DISC1: variants seen among roughly 807,000 people sequenced by gnomAD.
DISC1 encodes disrupted in schizophrenia 1 protein.
Under a neutral mutation model 84.5 loss-of-function variants are expected in DISC1, and 57 were observed. That is an observed-to-expected ratio of 0.67 (90% CI 0.55 to 0.84). The LOEUF is 0.84. Among genes scored for constraint, DISC1 ranks in the 40% least tolerant of loss-of-function variants. DISC1 has a pLI of 0.00. For missense variants in DISC1, 1,000 were observed against 1,057.8 expected (o/e 0.95, Z 0.76); for synonymous variants, 411 against 415.2 (o/e 0.99, Z 0.12).
chr1:231,730,263 A>G (rs2071345170), intron 3 of DISC1, among the ~76,000 whole-genome samples: 1 of 152,254 alleles, frequency 6.6e-6, no homozygotes. Flanking sequence ...TATGATTCCA[A>G]AAATAGCCTC....
intron 10 of DISC1, among the ~76,000 whole-genome samples, chr1:231,975,442 C>A (rs893436873): frequency 3.9e-5 from 6 of 152,098 alleles, no homozygotes; most frequent in Non-Finnish European, 5.9e-5. Context: ...AAAATAGAAC[C>A]TCCATTTGAT....
intron 6 of DISC1, among the ~76,000 whole-genome samples, chr1:231,789,518 G>C (rs192053540): frequency 6.6e-6 from 1 of 152,332 alleles, no homozygotes; most frequent in East Asian, 1.9e-4. Context: ...GAACGCAGAA[G>C]AACTGTTCAG....
intron 9 of DISC1, among the ~76,000 whole-genome samples, chr1:231,930,436 T>C (rs1405098298): frequency 6.6e-6 from 1 of 152,188 alleles, no homozygotes; most frequent in Non-Finnish European, 1.5e-5. Flanking sequence ...TTACCCTAAC[T>C]GTGAGAGGTG....
intron 10 of DISC1, among the ~76,000 whole-genome samples, chr1:231,966,675 A>G (rs1232753090): frequency 6.6e-6 from 1 of 152,218 alleles, no homozygotes; most frequent in Non-Finnish European, 1.5e-5. Context: ...TCTTCATTCT[A>G]ACTCTACTTT....
intron 12 of DISC1, among the ~76,000 whole-genome samples, chr1:232,034,092 G>A (rs16856303): frequency 1.3e-5 from 2 of 152,030 alleles, no homozygotes; most frequent in African/African-American, 4.8e-5. Context: ...CTACAGGCAG[G>A]TTGGTTAGAG....
At chr1:231,709,206 C>T (rs2067482435) in intron 3 of DISC1, among the ~76,000 whole-genome samples, 1 of 152,186 alleles carries the variant, frequency 6.6e-6, no homozygotes, top group Admixed American at 6.5e-5. Flanking sequence ...TTTGTGTTTG[C>T]AGGTCTAAGT....
At chr1:231,713,709 T>TATATATATATATATATAGGAGATATATAC (rs2068203572) in intron 3 of DISC1, among the ~76,000 whole-genome samples, 1 of 71,858 alleles carries the variant, frequency 1.4e-5, no homozygotes, top group South Asian at 4.1e-4. Context: ...AGGAGATATA[T>TATATATATATATATATAGGAGATATATAC]ATATATATAT....
intron 10 of DISC1, among the ~76,000 whole-genome samples, chr1:231,999,716 C>G (rs1362195648): frequency 1.3e-5 from 2 of 152,172 alleles, no homozygotes; most frequent in Non-Finnish European, 2.9e-5. Context: ...ATTCAGTTAC[C>G]TGACCTGGGG....
Position 231,724,719 on chromosome 1 carries a change from C to T in DISC1, c.1117+22695C>T, listed in dbSNP as rs535649248. 1.2e-4 allele frequency among the ~76,000 whole-genome samples: 19 copies of T among 152,258 alleles called. No individual in the cohort carries two copies. In the East Asian group the frequency reaches 3.3e-3, roughly 26 times the overall value. ...GTCTGTCCTTAAACAGTGAGGTGCC[C>T]TGTGTCTTTTATTCTTAACTGTGGC... On this transcript the variant is annotated intron_variant, in intron 3 of 12. Coordinates refer to ENST00000439617, the MANE Select transcript of DISC1 (RefSeq NM_018662.3).
intron 6 of DISC1, among the ~76,000 whole-genome samples, chr1:231,775,680 ATG>A (rs200381702): frequency 0.015 from 2,323 of 152,296 alleles, 34 homozygotes; most frequent in African/African-American, 0.034. Context: ...GCAGGGGTGC[ATG>A]AAAGGACAGG....
At chr1:231,727,081 C>T (rs2070820718) in intron 3 of DISC1, among the ~76,000 whole-genome samples, 1 of 152,076 alleles carries the variant, frequency 6.6e-6, no homozygotes, top group African/African-American at 2.4e-5. Flanking sequence ...CTCATCCCTG[C>T]CTGCTCCTGC....
chr1:231,857,924 G>A (rs1280161892), intron 9 of DISC1, among the ~76,000 whole-genome samples: 1 of 152,190 alleles, frequency 6.6e-6, no homozygotes, highest in Non-Finnish European at 1.5e-5. Context: ...CCACCTTGAA[G>A]TCAAATTTCC....
intron 1 of DISC1, among the ~76,000 whole-genome samples, chr1:231,682,028 TG>T (rs1008891367): frequency 6.6e-6 from 1 of 152,078 alleles, no homozygotes; most frequent in African/African-American, 2.4e-5. Flanking sequence ...ATTATGTGCA[TG>T]GGGGGCATCA....
At chr1:231,965,641 T>C (rs1660999730) in intron 10 of DISC1, among the ~76,000 whole-genome samples, 1 of 152,282 alleles carries the variant, frequency 6.6e-6, no homozygotes, top group Non-Finnish European at 1.5e-5. Context: ...CCTTGGGCTC[T>C]TCATGAGGTG....
chr1:231,760,461 AG>A (rs1398543549), intron 4 of DISC1, among the ~76,000 whole-genome samples: 1 of 152,164 alleles, frequency 6.6e-6, no homozygotes, highest in Non-Finnish European at 1.5e-5. Flanking sequence ...TAATCAGAAG[AG>A]TTATACCCAA....
At chr1:231,832,964 A>T (rs61050517) in intron 9 of DISC1, among the ~76,000 whole-genome samples, 1 of 77,568 alleles carries the variant, frequency 1.3e-5, no homozygotes, top group African/African-American at 4.5e-5. Context: ...GGCATTGAGC[A>T]GGCTAAGGGT....
intron 9 of DISC1, among the ~76,000 whole-genome samples, chr1:231,958,490 G>A (rs775274790): frequency 2.0e-5 from 3 of 152,226 alleles, no homozygotes; most frequent in Admixed American, 6.5e-5. Context: ...GGACAACCGA[G>A]CCAATGGCTA....
chr1:232,026,719 G>A (rs1004576413), intron 12 of DISC1, among the ~76,000 whole-genome samples, 167 bp downstream of exon 12: 54 of 149,788 alleles, frequency 3.6e-4, no homozygotes, highest in South Asian at 8.6e-4. Context: ...AAATGTTTTC[G>A]CTCTAGTTTT....
intron 9 of DISC1, among the ~76,000 whole-genome samples, chr1:231,870,619 G>A (rs748340601): frequency 1.6e-4 from 24 of 152,136 alleles, no homozygotes; most frequent in East Asian, 9.6e-4. Flanking sequence ...AGTGCAGCAC[G>A]AACTGTGGCA....
Sources: gnomAD v4.1 joint callset for allele counts (sites outside exome capture counted in the v4.1 genomes callset) on GRCh38, gnomAD v4.1.1 for gene constraint, MANE v1.5 for transcripts, NCBI Gene and HGNC (gene_info 2026-07-23, HGNC 2026-07-21) for gene names.